The following SPG11 variants were observed in gnomAD, a reference collection of about 807,000 sequenced individuals.
SPG11 encodes the protein SPG11 vesicle trafficking associated, spatacsin, also known as spatacsin.
A neutral mutation model predicts 274.0 loss-of-function variants in SPG11; 222 were observed. The ratio of observed to expected loss-of-function variants is 0.81; its 90% CI spans 0.73 to 0.91. The LOEUF (loss-of-function observed/expected upper bound fraction) is 0.91, where lower values mean the gene tolerates loss of function less well. Among genes scored for constraint, SPG11 ranks in the 40% least tolerant of loss-of-function variants. SPG11 has a pLI of 0.00. For synonymous variants in SPG11, 1,144 were observed against 1,039.7 expected, an observed-to-expected ratio of 1.10 and a Z score of -1.93; for missense variants, 3,114 against 2,872.7, an observed-to-expected ratio of 1.08 and a Z score of -1.92.
chr15:44,654,451 T>C (rs2084877488), intron 4 of SPG11, among the ~76,000 whole-genome samples: 1 of 151,764 alleles, frequency 6.6e-6, no homozygotes, highest in Non-Finnish European at 1.5e-5. Flanking sequence ...GACCTTGCAG[T>C]GGGCCGAGAC....
chr15:44,612,745 C>T (rs1459632512), intron 17 of SPG11, among the ~76,000 whole-genome samples: 1 of 151,534 alleles, frequency 6.6e-6, no homozygotes, highest in African/African-American at 2.4e-5. Context: ...TTTTTTTTAA[C>T]AATGAACATA....
At chr15:44,663,284 G>A (rs958243481) in intron 1 of SPG11, 107 bp downstream of exon 1, 38 of 1,453,196 alleles carry the variant, frequency 2.6e-5, no homozygotes, top group Middle Eastern at 2.1e-4. Context: ...CCCTTCTCCC[G>A]CCACCTCTAT....
At chr15:44,597,852 T>G (rs1321328565) in intron 23 of SPG11, among the ~76,000 whole-genome samples, 1 of 152,178 alleles carries the variant, frequency 6.6e-6, no homozygotes, top group Non-Finnish European at 1.5e-5. Flanking sequence ...ATGAAAAAAG[T>G]AAGGACATGA....
At chr15:44,640,018 G>A (rs971824077) in intron 7 of SPG11, among the ~76,000 whole-genome samples, 2 of 152,084 alleles carry the variant, frequency 1.3e-5, no homozygotes, top group Admixed American at 6.6e-5. Context: ...AGACCAGCCT[G>A]GCTAACACAG....
At chr15:44,607,506 T>C (rs1360108111) in intron 19 of SPG11, among the ~76,000 whole-genome samples, 1 of 152,180 alleles carries the variant, frequency 6.6e-6, no homozygotes, top group African/African-American at 2.4e-5. Context: ...TTGAACTCAG[T>C]GACCCGCCCA....
chr15:44,637,070 C>CAA (rs1484991583), intron 7 of SPG11, among the ~76,000 whole-genome samples: 1 of 146,556 alleles, frequency 6.8e-6, no homozygotes, highest in Non-Finnish European at 1.5e-5. Flanking sequence ...TACAAATTTT[C>CAA]AAAATCACAC....
intron 7 of SPG11, among the ~76,000 whole-genome samples, chr15:44,636,925 C>CAAAAAAAAAAAAACAACAA (rs2084275682): frequency 5.1e-5 from 1 of 19,452 alleles, no homozygotes; most frequent in Non-Finnish European, 8.0e-5. Context: ...GACTCCATCT[C>CAAAAAAAAAAAAACAACAA]AAAAAAAAAA....
chr15:44,656,106 TC>T (rs1171577950), intron 4 of SPG11, among the ~76,000 whole-genome samples: 1 of 152,062 alleles, frequency 6.6e-6, no homozygotes, highest in Non-Finnish European at 1.5e-5. Flanking sequence ...GGAGGCAAGG[TC>T]ATCCAAGAAA....
chr15:44,593,864 G>A (rs970245900), intron 26 of SPG11, among the ~76,000 whole-genome samples: 3 of 149,244 alleles, frequency 2.0e-5, no homozygotes, highest in East Asian at 2.0e-4. Flanking sequence ...AGTGATTCTC[G>A]TGCCTCAGCT....
intron 36 of SPG11, 142 bp downstream of exon 36, chr15:44,567,276 GGGAGGC>G: frequency 2.7e-6 from 2 of 753,296 alleles, no homozygotes; most frequent in Admixed American, 2.5e-5. Flanking sequence ...ACTTGAACCT[GGGAGGC>G]GGAGGTTGCA....
intron 27 of SPG11, among the ~76,000 whole-genome samples, chr15:44,589,947 C>T (rs1489359436): frequency 6.6e-6 from 1 of 152,214 alleles, no homozygotes; most frequent in South Asian, 2.1e-4. Context: ...GCTGGGATTA[C>T]AGGCACACGC....
At chr15:44,571,588 C>G (rs1002116583) in intron 33 of SPG11, among the ~76,000 whole-genome samples, 1 of 150,518 alleles carries the variant, frequency 6.6e-6, no homozygotes, top group Non-Finnish European at 1.5e-5. Context: ...AGCTCCACCT[C>G]CCGGGTTCAG....
Position 44,564,648 on chromosome 15 carries a change from A to G in SPG11, c.7050T>C (p.Ile2350=), listed in dbSNP as rs758862344. Residue 2350 remains isoleucine, a synonymous_variant, in exon 39 of 40, where the codon ATT becomes ATC. Coordinates refer to ENST00000261866, the MANE Select transcript of SPG11 (RefSeq NM_025137.4). The part of the protein sequence containing the change: ...AYDFVPDWAE[I]LYQQVILKGD... ...CTTTAAGAATCACTTGCTGGTATAAAATTTCAGCCCAATCTGGAACAAAAT... is the reference window on the plus strand; with the variant it reads ...CTTTAAGAATCACTTGCTGGTATAAGATTTCAGCCCAATCTGGAACAAAAT... The G allele has an allele frequency of 2.4e-5, 39 of 1,614,048 alleles. No homozygotes were observed. The highest frequency in any genetic ancestry group is 3.1e-5 in the Non-Finnish European group (36 of 1,180,004).
chr15:44,589,334 A>T lies in SPG11; in HGVS notation c.4824T>A (p.Leu1608=). ...LEDQVCFLLK[L]MLQQCKTQYE... is the part of the protein sequence containing the mutation. ...ACTGGGTCTTACACTGCTGTAGCATAAGCTTCAAAAGGAAACACACCTGAT... is the reference window on the plus strand; with the variant it reads ...ACTGGGTCTTACACTGCTGTAGCATTAGCTTCAAAAGGAAACACACCTGAT... The change falls in exon 28 of 40, where the codon CTT becomes CTA. Residue 1608 remains leucine (L), a synonymous_variant. Coordinates refer to ENST00000261866, the MANE Select transcript of SPG11 (RefSeq NM_025137.4). The T allele has an allele frequency of 6.2e-7, 1 of 1,614,170 alleles. No homozygotes were observed. The highest frequency in any genetic ancestry group is 8.5e-7 in the Non-Finnish European group (1 of 1,180,000).
intron 38 of SPG11, 75 bp downstream of exon 38, chr15:44,565,779 C>A (rs1357181871): frequency 1.3e-6 from 2 of 1,581,020 alleles, no homozygotes; most frequent in Non-Finnish European, 1.7e-6. Context: ...TGAGACCTTA[C>A]CTCTGGGTTC....
At chr15:44,643,529 T>C (rs1460492687) in intron 7 of SPG11, among the ~76,000 whole-genome samples, 1 of 151,948 alleles carries the variant, frequency 6.6e-6, no homozygotes, top group African/African-American at 2.4e-5. Flanking sequence ...ATATAAGAAA[T>C]TGAACTTAAC....
intron 4 of SPG11, among the ~76,000 whole-genome samples, chr15:44,652,521 A>G (rs532192609): frequency 6.6e-6 from 1 of 152,188 alleles, no homozygotes; most frequent in African/African-American, 2.4e-5. Flanking sequence ...ATGTTATGCT[A>G]AACACTTCAC....
rs776869653 is a variant in SPG11 at position 44,569,473 on chromosome 15, G to A, written c.6510C>T (p.Asn2170=). 4.4e-6 allele frequency: 7 copies of A among 1,601,104 alleles called. No individual in the cohort carries two copies. The highest frequency in any genetic ancestry group is 6.0e-6 in the Non-Finnish European group (7 of 1,173,130). Residue 2170 remains asparagine, a synonymous_variant, in exon 35 of 40, where the codon AAC becomes AAT. Transcript: ENST00000261866. The part of the protein sequence containing the change: ...VRLLTGIGRY[N]EMTYIFDLLH... Reference sequence around the variant, plus strand: ...GCAAATCAAATATGTATGTCATCTCGTTGTACCTTCCAATGCCAGTGAGGA... The same window carrying A: ...GCAAATCAAATATGTATGTCATCTCATTGTACCTTCCAATGCCAGTGAGGA...
intron 1 of SPG11, among the ~76,000 whole-genome samples, chr15:44,662,269 C>CT (rs1364416592): frequency 6.6e-6 from 1 of 151,754 alleles, no homozygotes; most frequent in East Asian, 1.9e-4. Flanking sequence ...AAATGAATCT[C>CT]TAAATGTCAG....
Sources: gnomAD v4.1 joint callset for allele counts (sites outside exome capture counted in the v4.1 genomes callset) on GRCh38, gnomAD v4.1.1 for gene constraint, MANE v1.5 for transcripts, NCBI Gene and HGNC (gene_info 2026-07-23, HGNC 2026-07-21) for gene names.